The following PTPN14 variants were observed in gnomAD, a reference collection of about 807,000 sequenced individuals.
PTPN14 encodes protein tyrosine phosphatase non-receptor type 14, also known as tyrosine-protein phosphatase non-receptor type 14.
In PTPN14, 53 loss-of-function variants were observed where a neutral mutation model predicts 126.8. That is an observed-to-expected ratio of 0.42 (90% confidence interval 0.34 to 0.53). The LOEUF is 0.53. Ranked by LOEUF, PTPN14 falls within the 20% of genes least tolerant of loss-of-function variation. The pLI is 0.08. For synonymous variants in PTPN14, 630 were observed against 599.3 expected (o/e 1.05, Z -0.75); for missense variants, 1,257 against 1,552.9 (o/e 0.81, Z 3.20).
At chr1:214,373,558 A>AAC (rs10562157) in intron 15 of PTPN14, among the ~76,000 whole-genome samples, 3,703 of 138,564 alleles carry the variant, frequency 0.027, 62 homozygotes, top group Middle Eastern at 0.06. Flanking sequence ...ATTTCATTGA[A>AAC]ACACACACAC....
chr1:214,397,030 G>C (rs1451239095), intron 8 of PTPN14, among the ~76,000 whole-genome samples: 1 of 152,152 alleles, frequency 6.6e-6, no homozygotes, highest in Non-Finnish European at 1.5e-5. Context: ...TCTCTATTCA[G>C]AGAGCAAGAG....
chr1:214,484,354 T>C (rs575836937), intron 1 of PTPN14, among the ~76,000 whole-genome samples: 6 of 152,348 alleles, frequency 3.9e-5, no homozygotes, highest in South Asian at 2.1e-4. Context: ...CAATGAGCCA[T>C]GATCCTATGA....
chr1:214,393,802 A>G (rs1290938808), intron 9 of PTPN14, 25 bp from the exon 10 acceptor site: 1 of 1,514,588 alleles, frequency 6.6e-7, no homozygotes, highest in East Asian at 2.3e-5. Context: ...GACAGAGAAA[A>G]AAATAAACAT....
At chr1:214,468,874 C>G (rs899537450) in intron 1 of PTPN14, among the ~76,000 whole-genome samples, 1 of 152,148 alleles carries the variant, frequency 6.6e-6, no homozygotes, top group African/African-American at 2.4e-5. Flanking sequence ...TGTCTGAATT[C>G]CCACAGCCAT....
rs376799796 is a variant in PTPN14, at chr1:214,398,013, C to G, written c.670-12G>C. The G allele has an allele frequency of 1.3e-6, 2 of 1,585,030 alleles. No homozygotes were observed. Among genetic ancestry groups the G allele is most frequent in the Middle Eastern group, 1.7e-4 (1 of 6,012 alleles). On this transcript the variant is annotated splice_polypyrimidine_tract_variant and intron_variant, in intron 7 of 18. Transcript: ENST00000366956. ...TTTCCATGATTGTCCTGGGTAAGAC[C>G]AACAAAAGATACTTGTGATGACCCA...
At chr1:214,411,341 T>C (rs1464791625) in intron 5 of PTPN14, among the ~76,000 whole-genome samples, 2 of 152,262 alleles carry the variant, frequency 1.3e-5, no homozygotes, top group African/African-American at 2.4e-5. Context: ...GATGATGACA[T>C]GATCTTATAT....
intron 3 of PTPN14, among the ~76,000 whole-genome samples, chr1:214,416,235 AGT>A: frequency 6.6e-6 from 1 of 152,208 alleles, no homozygotes; most frequent in East Asian, 1.9e-4. Flanking sequence ...GTTTTTGTCT[AGT>A]GTACTATCTA....
chr1:214,403,871 C>T (rs914328564), intron 5 of PTPN14, among the ~76,000 whole-genome samples: 1 of 152,192 alleles, frequency 6.6e-6, no homozygotes, highest in Non-Finnish European at 1.5e-5. Context: ...CAGCAGGTCC[C>T]ACATATTCCA....
At chr1:214,456,949 G>A (rs1272744643) in intron 2 of PTPN14, among the ~76,000 whole-genome samples, 1 of 152,128 alleles carries the variant, frequency 6.6e-6, no homozygotes, top group Non-Finnish European at 1.5e-5. Context: ...ATATACTGAC[G>A]TGATTAAACA....
At chr1:214,401,911 G>A in intron 6 of PTPN14, 139 bp from the exon 7 acceptor site, 2 of 665,534 alleles carry the variant, frequency 3.0e-6, no homozygotes, top group Non-Finnish European at 5.2e-6. Context: ...TGTGAGGGTA[G>A]GGTGCATTAC....
At chr1:214,497,845 A>AG (rs1213841911) in intron 1 of PTPN14, among the ~76,000 whole-genome samples, 1 of 152,104 alleles carries the variant, frequency 6.6e-6, no homozygotes, top group Non-Finnish European at 1.5e-5. Context: ...AGCTATTCTT[A>AG]GGGGGAAAAA....
intron 7 of PTPN14, 141 bp downstream of exon 7, chr1:214,401,544 A>G: frequency 4.3e-6 from 3 of 696,850 alleles, no homozygotes; most frequent in South Asian, 2.1e-5. Context: ...TTGTTTATCT[A>G]TAATAAATTG....
At chr1:214,473,062 C>T (rs1308654425) in intron 1 of PTPN14, among the ~76,000 whole-genome samples, 4 of 152,210 alleles carry the variant, frequency 2.6e-5, no homozygotes, top group Admixed American at 2.6e-4. Context: ...AGTAGTCAAT[C>T]AGCTTCCTAA....
rs1484028420 is a variant in PTPN14 at position 214,351,251 on chromosome 1, C to G, written c.*6671G>C. On this transcript the variant is annotated 3_prime_UTR_variant, in exon 19 of 19. Coordinates refer to ENST00000366956, the MANE Select transcript of PTPN14 (RefSeq NM_005401.5). ...TCCCAGCTACTTTGGAGGCTGCACT[C>G]CAGCCTGCGCAACAGGAGTGAGACA... The G allele has an allele frequency of 1.3e-5, 2 of 148,916 alleles. No homozygotes were observed. The highest frequency in any genetic ancestry group is 3.0e-5 in the Non-Finnish European group (2 of 67,544). The allele number at this position is 148,916 out of a possible 1,614,324, so 9.2% of individuals were successfully genotyped here.
intron 1 of PTPN14, among the ~76,000 whole-genome samples, chr1:214,479,884 C>T (rs1260771862): frequency 6.6e-6 from 1 of 151,752 alleles, no homozygotes; most frequent in Non-Finnish European, 1.5e-5. Context: ...AAAATGTTTG[C>T]ATATTTTATT....
At chr1:214,530,657 C>G (rs75975291) in intron 1 of PTPN14, 2 of 152,292 alleles carry the variant, frequency 1.3e-5, no homozygotes, top group East Asian at 3.9e-4. Flanking sequence ...ATATATTTTA[C>G]ACCCTTAGCC....
rs770580886 is a variant in PTPN14 at position 214,464,770 on chromosome 1, G to A, written c.34C>T (p.Arg12Cys). 5.6e-6 allele frequency: 9 copies of A among 1,614,168 alleles called. No homozygotes were observed. Among genetic ancestry groups the A allele is most frequent in the Non-Finnish European group, 7.6e-6 (9 of 1,180,052 alleles). Reference protein sequence around the residue: ...PFGLKLRRTRRYNVLSKNCFV... With the variant: ...PFGLKLRRTRCYNVLSKNCFV... Reference sequence around the variant, plus strand: ...CAGTTCTTGCTCAGGACGTTGTAGCGCCGTGTCCGGCGGAGCTTCAGACCA... The same window carrying A: ...CAGTTCTTGCTCAGGACGTTGTAGCACCGTGTCCGGCGGAGCTTCAGACCA... The change falls in exon 2 of 19, where the codon CGC becomes TGC. Residue 12 changes from arginine (R) to cysteine (C), a missense_variant. Physicochemically the swap from Arg to Cys is radical, Grantham distance 180 (BLOSUM62 -3). Transcript: ENST00000366956.
chr1:214,530,967 T>C (rs555358474), intron 1 of PTPN14: 33 of 152,308 alleles, frequency 2.2e-4, no homozygotes, highest in African/African-American at 7.7e-4. Flanking sequence ...GTACCAACTT[T>C]GCCTCAAATA....
rs1478308039 is a variant in PTPN14, at chr1:214,357,916, G to A, written c.*6C>T. The A allele has an allele frequency of 1.9e-6, 3 of 1,611,524 alleles. No individual in the cohort carries two copies. In the South Asian group the frequency reaches 3.3e-5, roughly 18 times the overall value. ...GGTCCCTCCTCCAGGAGCTGGATTG[G>A]GGTGATTAAATGAGTCTGGAGTTTT... On this transcript the variant is annotated 3_prime_UTR_variant, in exon 19 of 19. Coordinates refer to ENST00000366956, the MANE Select transcript of PTPN14 (RefSeq NM_005401.5).
Sources: gnomAD v4.1 joint callset for allele counts (sites outside exome capture counted in the v4.1 genomes callset) on GRCh38, gnomAD v4.1.1 for gene constraint, MANE v1.5 for transcripts, NCBI Gene and HGNC (gene_info 2026-07-23, HGNC 2026-07-21) for gene names.